AUTS2: variants seen among roughly 807,000 people sequenced by gnomAD.
AUTS2 encodes activator of transcription and developmental regulator AUTS2, also known as autism susceptibility gene 2 protein.
A neutral mutation model predicts 112.4 loss-of-function variants in AUTS2; 17 were observed. The ratio of observed to expected loss-of-function variants is 0.15; its 90% confidence interval spans 0.10 to 0.23. AUTS2 has a LOEUF of 0.23. Ranked by LOEUF, AUTS2 falls within the 10% of genes least tolerant of loss-of-function variation. The pLI, the probability that AUTS2 is intolerant of heterozygous loss-of-function variation, is 1.00. For synonymous variants in AUTS2, 751 were observed against 702.7 expected, an observed-to-expected ratio of 1.07 and a Z score of -1.09; for missense variants, 1,510 against 1,701.6, an observed-to-expected ratio of 0.89 and a Z score of 1.98.
In AUTS2 at chr7:70,189,591, C is replaced by A. The variant is rs60009923; in HGVS notation, c.660+55020C>A. Among the ~76,000 whole-genome samples, 1,337 of 152,260 alleles carry A rather than the reference C, an allele frequency of 8.8e-3. 23 individuals are homozygous for A. Among genetic ancestry groups the A allele is most frequent in the African/African-American group, 0.031 (1,272 of 41,546 alleles). ...AATCAGTGTAGCCCTGTGAAAGATA[C>A]AAAGTATTGCCTGCCTAAGTCTCAG... On this transcript the variant is annotated intron_variant, in intron 4 of 18. Transcript: ENST00000342771.
chr7:70,294,476 C>A (rs911804952), intron 4 of AUTS2, among the ~76,000 whole-genome samples: 2 of 152,126 alleles, frequency 1.3e-5, no homozygotes, highest in African/African-American at 4.8e-5. Flanking sequence ...TTTCAGTAGG[C>A]TTTGCACAGA....
In AUTS2 at chr7:70,645,582, C is replaced by G. The variant is rs1033425094; in HGVS notation, c.691-52987C>G. 2.0e-5 allele frequency among the ~76,000 whole-genome samples: 3 copies of G among 152,218 alleles called. No homozygotes were observed. In the East Asian group the frequency reaches 5.8e-4, roughly 30 times the overall value. On this transcript the variant is annotated intron_variant, in intron 5 of 18. Transcript: ENST00000342771. ...AGTTTTCTGGCCGCTCTGTTCTGGG[C>G]AGACCATGGGGCCTGCTCACGAAGG...
chr7:70,150,663 T>C (rs186129210), intron 4 of AUTS2, among the ~76,000 whole-genome samples: 106 of 152,330 alleles, frequency 7.0e-4, no homozygotes, highest in Admixed American at 2.4e-3. Context: ...GCATTTTCAT[T>C]CTCATTGATA....
intron 1 of AUTS2, among the ~76,000 whole-genome samples, chr7:69,722,773 A>T (rs141134813): frequency 6.6e-6 from 1 of 152,060 alleles, no homozygotes; most frequent in South Asian, 2.1e-4. Flanking sequence ...TTGGGAAATT[A>T]TAAACATACT....
intron 2 of AUTS2, among the ~76,000 whole-genome samples, chr7:69,973,893 T>G (rs1252628916): frequency 6.6e-6 from 1 of 152,092 alleles, no homozygotes; most frequent in Non-Finnish European, 1.5e-5. Context: ...GTCTGTAATT[T>G]TCTTTTTGTA....
chr7:70,349,999 G>A (rs1314740202), intron 4 of AUTS2, among the ~76,000 whole-genome samples: 1 of 152,208 alleles, frequency 6.6e-6, no homozygotes, highest in Non-Finnish European at 1.5e-5. Context: ...ACTACAAAAG[G>A]TTAAACAACA....
intron 4 of AUTS2, among the ~76,000 whole-genome samples, chr7:70,374,711 G>A (rs1371880126): frequency 1.3e-5 from 2 of 152,130 alleles, no homozygotes; most frequent in Non-Finnish European, 2.9e-5. Flanking sequence ...AGACATATAA[G>A]GCCTTAAGGT....
At chr7:69,741,479 C>T (rs536968901) in intron 1 of AUTS2, among the ~76,000 whole-genome samples, 13 of 152,176 alleles carry the variant, frequency 8.5e-5, no homozygotes, top group African/African-American at 3.1e-4. Flanking sequence ...CCAAGTTGGG[C>T]GGATTGCTTG....
chr7:70,083,233 G>A (rs1368633198), intron 2 of AUTS2, among the ~76,000 whole-genome samples: 4 of 152,098 alleles, frequency 2.6e-5, no homozygotes, highest in South Asian at 2.1e-4. Context: ...GGGAACCCAC[G>A]AGTTTCCTCT....
chr7:69,636,070 C>T lies in AUTS2; in HGVS notation c.309+36108C>T, dbSNP rs1794504785. On this transcript the variant is annotated intron_variant, in intron 1 of 18. Transcript: ENST00000342771. ...CACAAGGGCTCTCCCTTGGTATGGA[C>T]AGCCCCATTTTTTATTCCTTCTACC... Among the ~76,000 whole-genome samples, 3 of 152,190 alleles carry T rather than the reference C, an allele frequency of 2.0e-5. No individual in the cohort carries two copies. In the South Asian group the frequency reaches 6.2e-4, roughly 32 times the overall value.
chr7:69,895,496 C>G (rs1794702697), intron 1 of AUTS2, among the ~76,000 whole-genome samples: 1 of 151,964 alleles, frequency 6.6e-6, no homozygotes, highest in Non-Finnish European at 1.5e-5. Flanking sequence ...CTTCTTACCT[C>G]TTAAGCCACC....
chr7:70,002,290 A>G (rs776123397), intron 2 of AUTS2, among the ~76,000 whole-genome samples: 30 of 152,306 alleles, frequency 2.0e-4, no homozygotes, highest in Non-Finnish European at 3.4e-4. Context: ...GAACAAGTAG[A>G]AAAATATAGG....
At chr7:70,430,621 C>T (rs1795617138) in intron 4 of AUTS2, among the ~76,000 whole-genome samples, 2 of 152,080 alleles carry the variant, frequency 1.3e-5, no homozygotes, top group Non-Finnish European at 1.5e-5. Flanking sequence ...AATAGAACTC[C>T]AGATGCAACT....
intron 4 of AUTS2, among the ~76,000 whole-genome samples, chr7:70,146,615 T>A (rs554450647): frequency 6.6e-6 from 1 of 152,234 alleles, no homozygotes; most frequent in South Asian, 2.1e-4. Flanking sequence ...TATAACATGA[T>A]AAAAGTGCAA....
At position 70,149,239 on chromosome 7, in the gene AUTS2, C is replaced by T. The variant is rs117642613; in HGVS notation, c.660+14668C>T. ...AATATCAATAGTTAAAACCCACACA[C>T]ACTCTCATAGACACAAAATAAGCTC... is the stretch of plus-strand genomic sequence containing the variant. On this transcript the variant is annotated intron_variant, in intron 4 of 18. Transcript: ENST00000342771. 1.2e-4 allele frequency among the ~76,000 whole-genome samples: 19 copies of T among 152,130 alleles called. No homozygotes were observed. The East Asian group carries it at 3.7e-3, about 29-fold the overall frequency.
At chr7:69,693,836 G>C (rs185065668) in intron 1 of AUTS2, among the ~76,000 whole-genome samples, 12 of 152,302 alleles carry the variant, frequency 7.9e-5, no homozygotes, top group Admixed American at 3.3e-4. Context: ...ATGGTTATTG[G>C]ACCAGCAGCA....
At chr7:69,622,333 A>G (rs1435304506) in intron 1 of AUTS2, among the ~76,000 whole-genome samples, 1 of 152,214 alleles carries the variant, frequency 6.6e-6, no homozygotes, top group African/African-American at 2.4e-5. Flanking sequence ...TCCAACCCAG[A>G]TTAATATGGT....
intron 4 of AUTS2, among the ~76,000 whole-genome samples, chr7:70,264,253 A>G (rs1787304717): frequency 6.6e-6 from 1 of 152,104 alleles, no homozygotes; most frequent in Non-Finnish European, 1.5e-5. Context: ...CTGTTGCCAG[A>G]CTGCAGTACA....
intron 2 of AUTS2, among the ~76,000 whole-genome samples, chr7:70,088,826 T>A (rs1803758971): frequency 6.6e-6 from 1 of 151,812 alleles, no homozygotes. Context: ...GTTGGCCAGG[T>A]GTGAGCCACC....
Sources: gnomAD v4.1 joint callset for allele counts (sites outside exome capture counted in the v4.1 genomes callset) on GRCh38, gnomAD v4.1.1 for gene constraint, MANE v1.5 for transcripts, NCBI Gene and HGNC (gene_info 2026-07-23, HGNC 2026-07-21) for gene names.